MALAT1: variants seen among roughly 807,000 people sequenced by gnomAD.
MALAT1 encodes metastasis associated lung adenocarcinoma transcript 1.
chr11:65,503,015 A>G (rs371082259), exon 3 of MALAT1: 24 of 503,576 alleles, frequency 4.8e-5, no homozygotes, highest in Non-Finnish European at 8.3e-5. Context: ...ATGTTACACT[A>G]CATTAATCCT....
chr11:65,500,421 G>A (rs528557696), exon 3 of MALAT1: 2 of 518,980 alleles, frequency 3.9e-6, no homozygotes, highest in East Asian at 1.1e-4. Flanking sequence ...AGTGGATTCA[G>A]TGAATCTAGG....
intron 3 of MALAT1, chr11:65,505,041 TTACATACAA>T (rs772439201): frequency 7.7e-6 from 4 of 518,844 alleles, no homozygotes; most frequent in Non-Finnish European, 1.5e-5. Context: ...TTTTCTGTAT[TTACATACAA>T]AGTCAGATCA....
intron 3 of MALAT1, chr11:65,504,205 T>C (rs1228895113): frequency 5.8e-6 from 3 of 517,932 alleles, no homozygotes; most frequent in South Asian, 4.2e-5. Flanking sequence ...CCTTCTGTTC[T>C]AGTGAGTGTA....
intron 3 of MALAT1, chr11:65,504,984 A>G (rs762956030): frequency 1.9e-6 from 1 of 518,874 alleles, no homozygotes. Flanking sequence ...AGGAGCTTCC[A>G]GTTGAATTCA....
intron 2 of MALAT1, chr11:65,498,927 C>G (rs754027826): frequency 1.9e-6 from 1 of 518,714 alleles, no homozygotes; most frequent in Non-Finnish European, 3.8e-6. Flanking sequence ...AAACTAGAAC[C>G]TATTTTTAAC....
chr11:65,504,478 A>G lies in MALAT1; in HGVS notation n.5168+573A>G, dbSNP rs113542075. ...GTGTTCCCCAATGCTTGGAGTAGTG[A>G]TTGTTGAAGGAAAAAATCCAGCTGA... On this transcript the variant is annotated intron_variant and non_coding_transcript_variant, in intron 3 of 3. Transcript: ENST00000619449. 48 of 518,914 alleles carry G rather than the reference A, an allele frequency of 9.3e-5. 1 individual carries two copies. Among genetic ancestry groups the G allele is most frequent in the African/African-American group, 6.9e-4 (36 of 52,054 alleles). 32.1% of individuals were successfully genotyped at this position (518,914 alleles called of 1,614,324 possible).
intron 1 of MALAT1, chr11:65,498,642 TA>T (rs780553229): frequency 3.9e-6 from 2 of 518,596 alleles, no homozygotes; most frequent in Non-Finnish European, 7.7e-6. Context: ...TAATGGAAAG[TA>T]AAGCCCTGAA....
chr11:65,504,397 C>G (rs769893337), intron 3 of MALAT1: 1 of 518,252 alleles, frequency 1.9e-6, no homozygotes, highest in Admixed American at 1.9e-5. Context: ...CAGTACTGTT[C>G]TGATCCCGCT....
exon 3 of MALAT1, chr11:65,499,954 A>G (rs892093614): frequency 2.3e-6 from 1 of 430,798 alleles, no homozygotes. Context: ...ATAGAAAAAT[A>G]TAAAGCCAAA....
exon 3 of MALAT1, chr11:65,499,859 A>G (rs1427692023): frequency 4.7e-6 from 2 of 425,746 alleles, no homozygotes; most frequent in Non-Finnish European, 9.1e-6. Flanking sequence ...GAAGATAGAA[A>G]CAAGATAGAA....
At chr11:65,498,075 C>G in intron 1 of MALAT1, 1 of 518,968 alleles carries the variant, frequency 1.9e-6, no homozygotes, top group South Asian at 1.4e-5. Context: ...AGGTCTGAAG[C>G]TCATACCTAA....
exon 3 of MALAT1, chr11:65,499,226 A>G (rs1854478711): frequency 2.0e-6 from 1 of 503,828 alleles, no homozygotes; most frequent in Admixed American, 2.1e-5. Flanking sequence ...TAATAGCTTA[A>G]GATTTTAAGA....
chr11:65,501,384 G>A (rs770980887), exon 3 of MALAT1: 1 of 518,458 alleles, frequency 1.9e-6, no homozygotes, highest in Non-Finnish European at 3.9e-6. Context: ...ATAGAAACTA[G>A]AGCAGTTCTC....
exon 3 of MALAT1, chr11:65,503,037 A>C (rs1307806383): frequency 2.0e-6 from 1 of 506,808 alleles, no homozygotes; most frequent in Non-Finnish European, 3.9e-6. Context: ...GAATAAAAGA[A>C]GCCGAAATAA....
chr11:65,504,286 G>A (rs1449206444), intron 3 of MALAT1: 1 of 513,118 alleles, frequency 1.9e-6, no homozygotes, highest in Non-Finnish European at 3.9e-6. Flanking sequence ...TGGGAGGAGG[G>A]GGTGGGGCTT....
chr11:65,498,167 C>G (rs772360933), intron 1 of MALAT1: 1 of 518,948 alleles, frequency 1.9e-6, no homozygotes, highest in Non-Finnish European at 3.8e-6. Context: ...GGGTGTGTCC[C>G]TGACTGGCTG....
chr11:65,505,840 C>G (rs759559086), intron 3 of MALAT1: 1 of 479,724 alleles, frequency 2.1e-6, no homozygotes, highest in East Asian at 5.6e-5. Context: ...TGTTCAAGAA[C>G]TGTAATGCTG....
exon 3 of MALAT1, chr11:65,502,664 CAT>C (rs754043950): frequency 2.1e-6 from 1 of 486,426 alleles, no homozygotes; most frequent in Non-Finnish European, 4.0e-6. Flanking sequence ...TCTTCTGAGT[CAT>C]AACCAGCCTG....
At chr11:65,501,246 G>A (rs762699409) in exon 3 of MALAT1, 3 of 497,760 alleles carry the variant, frequency 6.0e-6, no homozygotes, top group Admixed American at 2.1e-5. Flanking sequence ...GGGGGTGGGG[G>A]CAAAATATGT....
Sources: gnomAD v4.1 joint callset for allele counts on GRCh38, gnomAD v4.1.1 for gene constraint, MANE v1.5 for transcripts, NCBI Gene and HGNC (gene_info 2026-07-23, HGNC 2026-07-21) for gene names.